SLC4A2: variants seen among roughly 807,000 people sequenced by gnomAD.
SLC4A2 encodes the protein solute carrier family 4 member 2, also known as anion exchange protein 2.
Under a neutral mutation model 115.0 loss-of-function variants are expected in SLC4A2, and 36 were observed. The ratio of observed to expected loss-of-function variants is 0.31; its 90% CI spans 0.24 to 0.41. SLC4A2 has a LOEUF of 0.41. Ranked by LOEUF, SLC4A2 falls within the 10% of genes least tolerant of loss-of-function variation. The pLI is 1.00. For missense variants in SLC4A2, 1,252 were observed against 1,705.6 expected (o/e 0.73, Z 4.68); for synonymous variants, 708 against 708.3 (o/e 1.00, Z 0.01).
rs1797531459 is a variant in SLC4A2 at position 151,074,032 on chromosome 7, T to C, written c.2536-7T>C. 6.4e-7 allele frequency: 1 copy of C among 1,561,236 alleles called. No homozygotes were observed. The highest frequency in any genetic ancestry group is 1.2e-5 in the South Asian group (1 of 85,826). ...CTGATGGAGGCCGTGTGGCCTCCTCTCCCCAGATCTTCCAGGAGCACCCCC... is the reference window on the plus strand; with the variant it reads ...CTGATGGAGGCCGTGTGGCCTCCTCCCCCCAGATCTTCCAGGAGCACCCCC... On this transcript the variant is annotated splice_polypyrimidine_tract_variant and splice_region_variant and intron_variant, in intron 16 of 22. Coordinates refer to ENST00000413384, the MANE Select transcript of SLC4A2 (RefSeq NM_003040.4).
Position 151,076,134 on chromosome 7 carries a change from C to T in SLC4A2, c.3593C>T (p.Pro1198Leu), listed in dbSNP as rs756085632. The change falls in exon 22 of 23, where the codon CCG becomes CTG. Residue 1198 changes from proline (P) to leucine (L), a missense_variant. Physicochemically the swap from Pro to Leu is moderately conservative, Grantham distance 98 (BLOSUM62 -3). Coordinates refer to ENST00000413384, the MANE Select transcript of SLC4A2 (RefSeq NM_003040.4). The stretch of plus-strand genomic sequence containing the variant: ...CCCTTCATCCTCATCCTCACAGTGC[C>T]GCTCCGCATGGTGGTGCTCACCCGT... Reference protein sequence around the residue: ...AFPFILILTVPLRMVVLTRIF... With the variant: ...AFPFILILTVLLRMVVLTRIF... 1.2e-6 allele frequency: 2 copies of T among 1,610,584 alleles called. No homozygotes were observed. Among genetic ancestry groups the T allele is most frequent in the Non-Finnish European group, 1.7e-6 (2 of 1,179,974 alleles).
chr7:151,064,795 T>TGTCG, intron 4 of SLC4A2, 28 bp downstream of exon 4: 1 of 1,608,130 alleles, frequency 6.2e-7, no homozygotes, highest in Non-Finnish European at 8.5e-7. Flanking sequence ...TCCTAGGGCA[T>TGTCG]GTCGGCAGGG....
intron 12 of SLC4A2, 80 bp downstream of exon 12, chr7:151,070,991 C>G: frequency 6.3e-7 from 1 of 1,590,488 alleles, no homozygotes; most frequent in Non-Finnish European, 8.6e-7. Context: ...TGCCTCCCAC[C>G]CACTGGCCTT....
chr7:151,075,145 C>A (rs549578647), intron 19 of SLC4A2, 110 bp from the exon 20 acceptor site: 1 of 1,421,782 alleles, frequency 7.0e-7, no homozygotes. Context: ...GGACAGGGAC[C>A]GCCAGGTTCC....
chr7:151,064,568 C>G lies in SLC4A2; in HGVS notation c.260C>G (p.Thr87Ser). ...CACCACATCCATCACCCACTGTCCA[C>G]CCACCTGCCTCCGGATGCACGCCGC... Reference protein sequence around the residue: ...SSHHIHHPLSTHLPPDARRRK... With the variant: ...SSHHIHHPLSSHLPPDARRRK... The change falls in exon 4 of 23, where the codon ACC (threonine) becomes AGC (serine). Residue 87 changes from threonine (T) to serine (S), a missense_variant. Thr to Ser is a moderately conservative substitution (Grantham distance 58). This residue lies in a region of SLC4A2 where 10 missense variants were observed against 39.3 expected (regional missense o/e 0.25). Coordinates refer to ENST00000413384, the MANE Select transcript of SLC4A2 (RefSeq NM_003040.4). 6.2e-7 allele frequency: 1 copy of G among 1,612,432 alleles called. No individual in the cohort carries two copies. Among genetic ancestry groups the G allele is most frequent in the Non-Finnish European group, 8.5e-7 (1 of 1,179,958 alleles).
At position 151,071,242 on chromosome 7, in the gene SLC4A2, G is replaced by A; in HGVS notation, c.1920G>A (p.Gln640=). 2 of 1,575,882 alleles carry A rather than the reference G, an allele frequency of 1.3e-6. No individual in the cohort carries two copies. Among genetic ancestry groups the A allele is most frequent in the Non-Finnish European group, 1.7e-6 (2 of 1,161,502 alleles). Residue 640 remains glutamine (Q), a synonymous_variant, in exon 13 of 23, where the codon CAG becomes CAA. Transcript: ENST00000413384. The surrounding 1 kb of genome is among the most constrained non-coding windows in gnomAD (Gnocchi z 5.5). ...QRQMLKKREE[Q]GRLLPTGAGL... ...AGATGCTCAAGAAGCGAGAGGAGCA[G>A]GGCCGGCTGCTACCTACAGGGGCTG... is the stretch of plus-strand genomic sequence containing the variant.
At position 151,075,596 on chromosome 7, in the gene SLC4A2, C is replaced by T. The variant is rs1354763784; in HGVS notation, c.3302-10C>T. The T allele has an allele frequency of 2.5e-6, 4 of 1,587,048 alleles. No homozygotes were observed. The highest frequency in any genetic ancestry group is 3.4e-6 in the Non-Finnish European group (4 of 1,169,848). On this transcript the variant is annotated splice_polypyrimidine_tract_variant and intron_variant, in intron 20 of 22. Transcript: ENST00000413384. ...CCCGGGGCCAACTCTTTCTCCTGCGCCTCCCGTAGGCCTCTCCATAGTTAT... is the reference window on the plus strand; with the variant it reads ...CCCGGGGCCAACTCTTTCTCCTGCGTCTCCCGTAGGCCTCTCCATAGTTAT...
chr7:151,060,284 TC>T lies in SLC4A2; in HGVS notation c.-64+525del, dbSNP rs1797003891. On this transcript the variant is annotated intron_variant, in intron 1 of 22. Coordinates refer to ENST00000413384, the MANE Select transcript of SLC4A2 (RefSeq NM_003040.4). The surrounding 1 kb of genome is among the most constrained non-coding windows in gnomAD (Gnocchi z 5.9). Reference sequence around the variant, plus strand: ...ATGAGCCCGGAGAGTTGGACCTGACTCCCGGGGTCGGTTTGTCCAGGCGGGA... The same window carrying T: ...ATGAGCCCGGAGAGTTGGACCTGACTCCGGGGTCGGTTTGTCCAGGCGGGA... 1 of 152,336 alleles carries T rather than the reference TC, an allele frequency of 6.6e-6. No homozygotes were observed. Among genetic ancestry groups the T allele is most frequent in the South Asian group, 2.1e-4 (1 of 4,830 alleles). The allele number at this position is 152,336 out of a possible 1,614,324, so 9.4% of individuals were successfully genotyped here.
intron 5 of SLC4A2, among the ~76,000 whole-genome samples, 184 bp from the exon 6 acceptor site, chr7:151,066,333 G>A (rs139999937): frequency 2.0e-5 from 3 of 152,230 alleles, no homozygotes; most frequent in Non-Finnish European, 2.9e-5. Flanking sequence ...GTGGAGCTGG[G>A]GTTCGGATGC....
intron 21 of SLC4A2, 69 bp from the exon 22 acceptor site, chr7:151,075,943 GA>G: frequency 6.6e-7 from 1 of 1,504,204 alleles, no homozygotes; most frequent in African/African-American, 1.4e-5. Flanking sequence ...CCCCGCCTCC[GA>G]AGAAGAGAGA....
Position 151,061,913 on chromosome 7 carries a change from TC to T in SLC4A2, c.-63-7del. 2 of 1,371,270 alleles carry T rather than the reference TC, an allele frequency of 1.5e-6. No individual in the cohort carries two copies. 84.9% of individuals were successfully genotyped at this position (1,371,270 alleles called of 1,614,324 possible). ...GGGCTCTCGATGGTGATCAGGCCTCTCCCCCATCCAGGTTATGCCTCCGCCT... is the reference window on the plus strand; with the variant it reads ...GGGCTCTCGATGGTGATCAGGCCTCTCCCCATCCAGGTTATGCCTCCGCCT... On this transcript the variant is annotated splice_polypyrimidine_tract_variant and intron_variant, in intron 1 of 22. Coordinates refer to ENST00000413384, the MANE Select transcript of SLC4A2 (RefSeq NM_003040.4).
intron 7 of SLC4A2, among the ~76,000 whole-genome samples, 176 bp downstream of exon 7, chr7:151,067,169 A>C (rs1174415361): frequency 1.3e-5 from 2 of 152,116 alleles, no homozygotes; most frequent in South Asian, 4.1e-4. Flanking sequence ...GCTCACTGCA[A>C]CCTCTGCCTC....
chr7:151,067,786 G>C lies in SLC4A2; in HGVS notation c.967-88G>C, dbSNP rs1483546686. On this transcript the variant is annotated intron_variant, in intron 7 of 22. Transcript: ENST00000413384. ...TGCTCGTGCTCTCCAGGGTCACTTG[G>C]CTCCCTCTGACACCACTCACCTCTG... 5 of 1,143,540 alleles carry C rather than the reference G, an allele frequency of 4.4e-6. No individual in the cohort carries two copies. The African/African-American group carries it at 6.3e-5, about 14-fold the overall frequency. The allele number at this position is 1,143,540 out of a possible 1,614,324, so 70.8% of individuals were successfully genotyped here.
rs763318290 is a variant in SLC4A2, at chr7:151,070,261, A to T, written c.1364A>T (p.His455Leu). 8 of 1,613,908 alleles carry T rather than the reference A, an allele frequency of 5.0e-6. No homozygotes were observed. The highest frequency in any genetic ancestry group is 6.8e-6 in the Non-Finnish European group (8 of 1,179,992). The change falls in exon 10 of 23, where the codon CAT (histidine) becomes CTT (leucine). Residue 455 changes from histidine to leucine, a missense_variant. Physicochemically the swap from His to Leu is moderately conservative, Grantham distance 99 (BLOSUM62 -3). Transcript: ENST00000413384. ...GSLGSLLGHH[H>L]GQGAESDPHV... is the part of the protein sequence containing the mutation. Reference sequence around the variant, plus strand: ...CTGGGCTCCCTGCTGGGGCATCACCATGGTCAGGGGGCTGAGAGTGACCCC... The same window carrying T: ...CTGGGCTCCCTGCTGGGGCATCACCTTGGTCAGGGGGCTGAGAGTGACCCC...
chr7:151,063,116 G>A, intron 2 of SLC4A2: 1 of 1,521,912 alleles, frequency 6.6e-7, no homozygotes, highest in Non-Finnish European at 8.8e-7. Context: ...TAGCTGGGCT[G>A]AGCTCTTACA....
intron 21 of SLC4A2, 75 bp from the exon 22 acceptor site, chr7:151,075,938 C>CT (rs1797616091): frequency 1.3e-6 from 2 of 1,496,008 alleles, no homozygotes; most frequent in African/African-American, 2.8e-5. Context: ...TCCATCCCCG[C>CT]CTCCGAAGAA....
intron 2 of SLC4A2, 47 bp from the exon 3 acceptor site, chr7:151,064,155 A>C: frequency 6.3e-7 from 1 of 1,595,164 alleles, no homozygotes; most frequent in East Asian, 2.2e-5. Flanking sequence ...TCGGGGTACA[A>C]TTCCCAGTGA....
At position 151,071,480 on chromosome 7, in the gene SLC4A2, T is replaced by C; in HGVS notation, c.2066T>C (p.Val689Ala). Residue 689 changes from valine (V) to alanine (A), a missense_variant, in exon 14 of 23, where the codon GTG becomes GCG. By Grantham distance (64) the Val-to-Ala change is moderately conservative (BLOSUM62 0). Transcript: ENST00000413384. This position sits in a 1 kb window ranked among gnomAD's most constrained non-coding sequence, Gnocchi z 5.5. ...GRPFGGLIRD[V>A]RRRYPHYLSD... ...CCCTTTGGGGGGCTGATCCGAGATG[T>C]GCGGCGCCGCTATCCCCACTACCTG... The C allele has an allele frequency of 6.2e-7, 1 of 1,612,490 alleles. No homozygotes were observed. Among genetic ancestry groups the C allele is most frequent in the Non-Finnish European group, 8.5e-7 (1 of 1,179,936 alleles).
intron 2 of SLC4A2, among the ~76,000 whole-genome samples, chr7:151,063,364 G>T (rs1393054384): frequency 6.6e-6 from 1 of 152,168 alleles, no homozygotes; most frequent in Non-Finnish European, 1.5e-5. Flanking sequence ...CTTGGGCGCC[G>T]CCAGAAGTTA....
Sources: gnomAD v4.1 joint callset for allele counts (sites outside exome capture counted in the v4.1 genomes callset) on GRCh38, gnomAD v4.1.1 for gene constraint, gnomAD v4.1.1 regional missense constraint, Gnocchi (gnomAD v3.1) non-coding constraint, MANE v1.5 for transcripts, NCBI Gene and HGNC (gene_info 2026-07-23, HGNC 2026-07-21) for gene names.